TNR: variants seen among roughly 807,000 people sequenced by gnomAD.
The protein encoded by TNR is tenascin R, also known as tenascin-R.
In TNR, 45 loss-of-function variants were observed where a neutral mutation model predicts 150.4. The ratio of observed to expected loss-of-function variants is 0.30; its 90% CI spans 0.24 to 0.38. TNR has a LOEUF of 0.38. TNR is among the 10% of genes least tolerant of loss of function. The probability of loss-of-function intolerance (pLI) is 1.00; values close to 1 mark genes in which losing one functional copy is unlikely to be tolerated. For missense variants in TNR, 1,544 were observed against 1,759.1 expected, an observed-to-expected ratio of 0.88 and a Z score of 2.19; for synonymous variants, 687 against 678.4, an observed-to-expected ratio of 1.01 and a Z score of -0.20.
intron 1 of TNR, among the ~76,000 whole-genome samples, chr1:175,707,395 GT>G (rs1272910959): frequency 6.6e-6 from 1 of 151,998 alleles, no homozygotes; most frequent in Non-Finnish European, 1.5e-5. Flanking sequence ...ATTTATTTGA[GT>G]GCCTGTTTTG....
intron 18 of TNR, among the ~76,000 whole-genome samples, chr1:175,343,569 T>C (rs1251466394): frequency 1.3e-5 from 2 of 152,192 alleles, no homozygotes; most frequent in African/African-American, 4.8e-5. Flanking sequence ...TTTATTTACT[T>C]AGCTTTTGGT....
chr1:175,396,485 G>A lies in TNR; in HGVS notation c.1240+59C>T, dbSNP rs1001723987. The A allele has an allele frequency of 4.5e-6, 7 of 1,557,552 alleles. No individual in the cohort carries two copies. In the African/African-American group the frequency reaches 9.6e-5, roughly 21 times the overall value. On this transcript the variant is annotated intron_variant, in intron 5 of 22. Transcript: ENST00000367674. The stretch of plus-strand genomic sequence containing the variant: ...AAGAAAAGACGCTACTATCATGAAT[G>A]CCCATGATCTCATGTAGGAGAAAAG...
chr1:175,677,071 C>T (rs1449439368), intron 1 of TNR, among the ~76,000 whole-genome samples: 2 of 152,186 alleles, frequency 1.3e-5, no homozygotes, highest in Non-Finnish European at 2.9e-5. Flanking sequence ...CAGGGGAATG[C>T]TTTTTCTACT....
intron 1 of TNR, among the ~76,000 whole-genome samples, chr1:175,720,079 C>A (rs993820850): frequency 6.6e-6 from 1 of 152,220 alleles, no homozygotes; most frequent in Non-Finnish European, 1.5e-5. Flanking sequence ...CTGTTATAGA[C>A]TGGATGTGTC....
intron 2 of TNR, among the ~76,000 whole-genome samples, chr1:175,482,355 C>T (rs763141938): frequency 2.6e-5 from 4 of 152,260 alleles, no homozygotes; most frequent in Non-Finnish European, 5.9e-5. Flanking sequence ...GCTAGGAGAC[C>T]GGAAGGGATA....
intron 14 of TNR, among the ~76,000 whole-genome samples, chr1:175,361,420 T>C (rs1190196929): frequency 1.3e-5 from 2 of 152,226 alleles, no homozygotes; most frequent in Non-Finnish European, 2.9e-5. Flanking sequence ...GTTGATATTT[T>C]AATGGTCACA....
chr1:175,540,741 A>T (rs1449307977), intron 1 of TNR, among the ~76,000 whole-genome samples: 1 of 151,876 alleles, frequency 6.6e-6, no homozygotes, highest in Non-Finnish European at 1.5e-5. Context: ...AGCCCTTGTT[A>T]TCTCCGGACT....
chr1:175,551,808 A>C (rs1453648207), intron 1 of TNR, among the ~76,000 whole-genome samples: 1 of 152,176 alleles, frequency 6.6e-6, no homozygotes, highest in African/African-American at 2.4e-5. Context: ...CAAAATATCA[A>C]CTTAAACAAT....
chr1:175,389,281 T>A (rs1204330852), intron 7 of TNR, among the ~76,000 whole-genome samples: 4 of 152,204 alleles, frequency 2.6e-5, no homozygotes, highest in African/African-American at 9.6e-5. Context: ...TTTGAAGTGA[T>A]TCACAGAAAT....
intron 1 of TNR, among the ~76,000 whole-genome samples, chr1:175,592,459 G>C (rs952150740): frequency 6.6e-6 from 1 of 152,254 alleles, no homozygotes; most frequent in African/African-American, 2.4e-5. Context: ...GATCCACGTA[G>C]GTGACCCAGC....
intron 2 of TNR, among the ~76,000 whole-genome samples, chr1:175,453,186 G>A (rs1483825761): frequency 4.6e-5 from 7 of 152,148 alleles, no homozygotes. Context: ...AGAATCTAGA[G>A]AGACAAAGGA....
At chr1:175,628,866 G>T (rs953820727) in intron 1 of TNR, among the ~76,000 whole-genome samples, 5 of 152,168 alleles carry the variant, frequency 3.3e-5, no homozygotes, top group Admixed American at 3.3e-4. Flanking sequence ...CTGCAGTGGG[G>T]CTTCTTGTGG....
intron 18 of TNR, among the ~76,000 whole-genome samples, chr1:175,343,198 C>G (rs1003760254): frequency 6.6e-6 from 1 of 152,154 alleles, no homozygotes; most frequent in African/African-American, 2.4e-5. Flanking sequence ...GAATCCCTAC[C>G]ATGGCCTACA....
intron 1 of TNR, among the ~76,000 whole-genome samples, chr1:175,706,534 C>T (rs1013601736): frequency 1.3e-5 from 2 of 152,168 alleles, no homozygotes; most frequent in Admixed American, 6.5e-5. Context: ...TGCTGTCACC[C>T]TTTCCACCCA....
chr1:175,601,279 G>A (rs1359889998), intron 1 of TNR, among the ~76,000 whole-genome samples: 1 of 152,202 alleles, frequency 6.6e-6, no homozygotes, highest in Non-Finnish European at 1.5e-5. Context: ...TCAGAGATGC[G>A]GCCCTGAGGC....
At chr1:175,638,053 C>G (rs180885765) in intron 1 of TNR, among the ~76,000 whole-genome samples, 109 of 152,264 alleles carry the variant, frequency 7.2e-4, no homozygotes, top group African/African-American at 2.6e-3. Flanking sequence ...TCTAGTTGCT[C>G]CTCTCTGCAG....
At chr1:175,411,573 G>A (rs1178686031) in intron 2 of TNR, among the ~76,000 whole-genome samples, 1 of 151,650 alleles carries the variant, frequency 6.6e-6, no homozygotes, top group East Asian at 2.0e-4. Flanking sequence ...TCTCCCAGCT[G>A]CTGGTGGCTG....
At chr1:175,330,998 ATTCTTTCTTTCTTTCTTTCTTTCT>A (rs764826338) in intron 20 of TNR, among the ~76,000 whole-genome samples, 15 of 72,826 alleles carry the variant, frequency 2.1e-4, no homozygotes, top group South Asian at 1.6e-3. Flanking sequence ...CCTCTTGGTG[ATTCTTTCTTTCTTTCTTTCTTTCT>A]TTCTTTCTTT....
rs1216362231 is a variant in TNR at position 175,321,187 on chromosome 1, T to A, written c.*2170A>T. On this transcript the variant is annotated 3_prime_UTR_variant, in exon 23 of 23. Coordinates refer to ENST00000367674, the MANE Select transcript of TNR (RefSeq NM_003285.3). Reference sequence around the variant, plus strand: ...TTTCTGTTTTTTCCTCCTCCCAGTTTGTTGAAGCCCATGGTTAACTGAGAA... The same window carrying A: ...TTTCTGTTTTTTCCTCCTCCCAGTTAGTTGAAGCCCATGGTTAACTGAGAA... 1 of 152,262 alleles carries A rather than the reference T, an allele frequency of 6.6e-6. No homozygotes were observed. Among genetic ancestry groups the A allele is most frequent in the Non-Finnish European group, 1.5e-5 (1 of 68,082 alleles). The allele number at this position is 152,262 out of a possible 1,614,324, so 9.4% of individuals were successfully genotyped here. A position where few individuals can be genotyped will look rare whatever the true frequency, so the allele number is the denominator to read the frequency against.
Sources: allele counts gnomAD v4.1 joint callset (sites outside exome capture counted in the v4.1 genomes callset), GRCh38; gene constraint gnomAD v4.1.1; transcripts MANE v1.5; gene names NCBI Gene and HGNC (gene_info 2026-07-23, HGNC 2026-07-21).